The following C2CD5 variants were observed in gnomAD, a reference collection of about 807,000 sequenced individuals.
C2CD5 encodes C2 calcium dependent domain containing 5.
In C2CD5, 109 loss-of-function variants were observed where a neutral mutation model predicts 130.3. The ratio of observed to expected loss-of-function variants is 0.84; its 90% CI spans 0.72 to 0.98. The LOEUF (loss-of-function observed/expected upper bound fraction) is 0.98, where lower values mean the gene tolerates loss of function less well. C2CD5 is among the 50% of genes least tolerant of loss of function. C2CD5 has a pLI of 0.00. For missense variants in C2CD5, 996 were observed against 1,261.8 expected, an observed-to-expected ratio of 0.79 and a Z score of 3.19; for synonymous variants, 454 against 429.2, an observed-to-expected ratio of 1.06 and a Z score of -0.71.
At chr12:22,542,337 A>T (rs1952476317) in intron 2 of C2CD5, among the ~76,000 whole-genome samples, 1 of 152,246 alleles carries the variant, frequency 6.6e-6, no homozygotes, top group Non-Finnish European at 1.5e-5. Context: ...GCTTGAGGCC[A>T]GGAGTTGGAG....
At chr12:22,467,511 A>G (rs949417985) in intron 22 of C2CD5, among the ~76,000 whole-genome samples, 1 of 152,204 alleles carries the variant, frequency 6.6e-6, no homozygotes, top group African/African-American at 2.4e-5. Flanking sequence ...TTACTTTTCA[A>G]AATGGGAATA....
chr12:22,524,383 T>G, intron 6 of C2CD5, 89 bp downstream of exon 6: 1 of 1,047,032 alleles, frequency 9.6e-7, no homozygotes, highest in Non-Finnish European at 1.4e-6. Context: ...ATAGCCTTCA[T>G]TGTAAAGTTG....
intron 9 of C2CD5, chr12:22,512,498 T>C (rs934361215): frequency 7.4e-6 from 4 of 538,426 alleles, no homozygotes; most frequent in Admixed American, 3.7e-5. Context: ...AGTCTCACAG[T>C]GCTATTAAAT....
intron 9 of C2CD5, among the ~76,000 whole-genome samples, chr12:22,509,002 G>A (rs996539260): frequency 1.3e-5 from 2 of 150,812 alleles, no homozygotes; most frequent in African/African-American, 2.4e-5. Flanking sequence ...TCAGCCTCCC[G>A]AGTAGCTGGG....
In C2CD5 at chr12:22,449,693, T is replaced by A. The variant is rs372491550; in HGVS notation, c.*67A>T. ...AAGTTCAATTTTAAGTCTAAGAAGA[T>A]AATTAATGACAAAATAACAGAGATT... On this transcript the variant is annotated 3_prime_UTR_variant, in exon 27 of 27. Transcript: ENST00000446597. 97 of 1,385,230 alleles carry A rather than the reference T, an allele frequency of 7.0e-5. No homozygotes were observed. The African/African-American group carries it at 7.1e-4, about 10-fold the overall frequency. The allele number at this position is 1,385,230 out of a possible 1,614,324, so 85.8% of individuals were successfully genotyped here.
intron 8 of C2CD5, among the ~76,000 whole-genome samples, chr12:22,516,369 G>A (rs1301392196): frequency 6.6e-6 from 1 of 151,590 alleles, no homozygotes; most frequent in Non-Finnish European, 1.5e-5. Flanking sequence ...ATAAACTATT[G>A]AAGTAATAAA....
intron 25 of C2CD5, among the ~76,000 whole-genome samples, chr12:22,456,423 T>A (rs1173793872): frequency 6.6e-6 from 1 of 152,152 alleles, no homozygotes; most frequent in Non-Finnish European, 1.5e-5. Context: ...TTTTCCCACA[T>A]CAAGTAAAAT....
At chr12:22,512,054 G>C (rs1949252691) in intron 9 of C2CD5, among the ~76,000 whole-genome samples, 1 of 152,132 alleles carries the variant, frequency 6.6e-6, no homozygotes, top group South Asian at 2.1e-4. Flanking sequence ...TGGGCCTTTT[G>C]GTGGCAGTTG....
Position 22,493,285 on chromosome 12 carries a change from T to C in C2CD5, c.1200A>G (p.Lys400=), listed in dbSNP as rs1946593772. ...AWWAEIRQEI[K]SHAKALGCHA... is the part of the protein sequence containing the mutation. ...GACAGCCTAATGCTTTAGCATGTGA[T>C]TTTATTTCTTGTCTGATTTCTGCCC... The change falls in exon 11 of 27, where the codon AAA becomes AAG. Residue 400 remains lysine, a synonymous_variant. Transcript: ENST00000446597. The C allele has an allele frequency of 1.2e-6, 2 of 1,612,376 alleles. No homozygotes were observed. The highest frequency in any genetic ancestry group is 1.7e-6 in the Non-Finnish European group (2 of 1,179,142).
Position 22,493,279 on chromosome 12 carries a change from A to G in C2CD5, c.1206T>C (p.His402=), listed in dbSNP as rs1301030374. The change falls in exon 11 of 27, where the codon CAT becomes CAC. Residue 402 remains histidine, a synonymous_variant. Coordinates refer to ENST00000446597, the MANE Select transcript of C2CD5 (RefSeq NM_001286176.2). ...WAEIRQEIKS[H]AKALGCHAVV... The stretch of plus-strand genomic sequence containing the variant: ...CAGCATGACAGCCTAATGCTTTAGC[A>G]TGTGATTTTATTTCTTGTCTGATTT... 3 of 1,612,194 alleles carry G rather than the reference A, an allele frequency of 1.9e-6. No homozygotes were observed. Among genetic ancestry groups the G allele is most frequent in the South Asian group, 2.2e-5 (2 of 90,934 alleles).
intron 15 of C2CD5, 87 bp downstream of exon 15, chr12:22,478,226 A>G: frequency 9.1e-7 from 1 of 1,104,444 alleles, no homozygotes; most frequent in Non-Finnish European, 1.4e-6. Flanking sequence ...CAGTGAAAAA[A>G]AAATCTTGTG....
chr12:22,514,401 T>C (rs1455087626), intron 8 of C2CD5, among the ~76,000 whole-genome samples: 1 of 152,134 alleles, frequency 6.6e-6, no homozygotes, highest in East Asian at 1.9e-4. Flanking sequence ...TTAGAGACTA[T>C]ACAATACTAA....
At chr12:22,498,002 C>T (rs755027806) in intron 10 of C2CD5, among the ~76,000 whole-genome samples, 2 of 151,908 alleles carry the variant, frequency 1.3e-5, no homozygotes, top group Admixed American at 6.6e-5. Flanking sequence ...TCACATATCA[C>T]GCATGCTGTA....
chr12:22,513,263 G>A (rs761642182), intron 9 of C2CD5, 31 bp downstream of exon 9: 168 of 1,408,902 alleles, frequency 1.2e-4, no homozygotes, highest in South Asian at 1.7e-4. Flanking sequence ...TATTAACAGT[G>A]TAAGAACAAA....
chr12:22,482,501 A>T, intron 14 of C2CD5, 56 bp downstream of exon 14: 1 of 1,404,868 alleles, frequency 7.1e-7, no homozygotes, highest in South Asian at 1.2e-5. Flanking sequence ...CACATAACAT[A>T]GAATCTACTA....
At chr12:22,480,177 C>A (rs527762491) in intron 14 of C2CD5, among the ~76,000 whole-genome samples, 1 of 152,286 alleles carries the variant, frequency 6.6e-6, no homozygotes, top group African/African-American at 2.4e-5. Context: ...CACTCATTAA[C>A]GAAGCAACAG....
chr12:22,526,438 A>G (rs1950723660), intron 4 of C2CD5, among the ~76,000 whole-genome samples: 1 of 152,234 alleles, frequency 6.6e-6, no homozygotes, highest in African/African-American at 2.4e-5. Flanking sequence ...TACAGTGTCA[A>G]TAGCTGTTAA....
In C2CD5 at chr12:22,474,267, T is replaced by A. The variant is rs565320765; in HGVS notation, c.2043+484A>T. On this transcript the variant is annotated intron_variant, in intron 16 of 26. Coordinates refer to ENST00000446597, the MANE Select transcript of C2CD5 (RefSeq NM_001286176.2). Reference sequence around the variant, plus strand: ...CTCCATAAACTTTTCATGTGACATTTACTCTCTGGGAAAGTTACTAAAGTG... The same window carrying A: ...CTCCATAAACTTTTCATGTGACATTAACTCTCTGGGAAAGTTACTAAAGTG... 1.2e-4 allele frequency among the ~76,000 whole-genome samples: 19 copies of A among 152,322 alleles called. No homozygotes were observed. In the South Asian group the frequency reaches 3.9e-3, roughly 32 times the overall value.
At position 22,470,862 on chromosome 12, in the gene C2CD5, T is replaced by G. The variant is rs1465102562; in HGVS notation, c.2408A>C (p.Gln803Pro). The change falls in exon 21 of 27, where the codon CAA becomes CCA. Residue 803 changes from glutamine (Q) to proline (P), a missense_variant. This residue lies in a region of C2CD5 where 590 missense variants were observed against 631.4 expected (regional missense o/e 0.93). Transcript: ENST00000446597. ...CTTTTCAACAGGGGTTTTTGTGGTTTGTAAAGCCTGATTTTTGTCAAAAGT... is the reference window on the plus strand; with the variant it reads ...CTTTTCAACAGGGGTTTTTGTGGTTGGTAAAGCCTGATTTTTGTCAAAAGT... ...AITFDKNQAL[Q>P]TTKTPVEKSL... 3.1e-6 allele frequency: 5 copies of G among 1,612,686 alleles called. No individual in the cohort carries two copies. The highest frequency in any genetic ancestry group is 3.3e-5 in the Admixed American group (2 of 59,944).
Sources: allele counts gnomAD v4.1 joint callset (sites outside exome capture counted in the v4.1 genomes callset), GRCh38; gene constraint gnomAD v4.1.1; regional missense constraint gnomAD v4.1.1; transcripts MANE v1.5; gene names NCBI Gene and HGNC (gene_info 2026-07-23, HGNC 2026-07-21).